RIMS4: variants seen among roughly 807,000 people sequenced by gnomAD.
The protein encoded by RIMS4 is regulating synaptic membrane exocytosis protein 4.
In RIMS4, 9 loss-of-function variants were observed where a neutral mutation model predicts 29.0. The observed-to-expected ratio is 0.31, with a 90% CI of 0.19 to 0.54. The LOEUF is 0.54. Ranked by LOEUF, RIMS4 falls within the 20% of genes least tolerant of loss-of-function variation. The probability of loss-of-function intolerance (pLI) is 0.94; values close to 1 mark genes in which losing one functional copy is unlikely to be tolerated. For missense variants in RIMS4, 193 were observed against 365.7 expected (o/e 0.53, Z 3.85); for synonymous variants, 130 against 152.9 (o/e 0.85, Z 1.10).
chr20:44,758,297 T>G, intron 2 of RIMS4, 113 bp from the exon 3 acceptor site: 1 of 708,052 alleles, frequency 1.4e-6, no homozygotes. Flanking sequence ...CCTCTTGGGA[T>G]GGAGATAAGG....
chr20:44,771,427 C>T lies in RIMS4; in HGVS notation c.98-14G>A, dbSNP rs200027624. 63 of 1,602,980 alleles carry T rather than the reference C, an allele frequency of 3.9e-5. No homozygotes were observed. The highest frequency in any genetic ancestry group is 2.0e-4 in the East Asian group (9 of 44,574). On this transcript the variant is annotated splice_polypyrimidine_tract_variant and intron_variant, in intron 1 of 5. Transcript: ENST00000372851. ...TCCGGCTGTCCCCTTCTGGGCAAAG[C>T]GGCCAAGAGAGATGGGAAGAGAGAC...
At chr20:44,773,367 T>C (rs1164049042) in intron 1 of RIMS4, among the ~76,000 whole-genome samples, 1 of 151,880 alleles carries the variant, frequency 6.6e-6, no homozygotes, top group Non-Finnish European at 1.5e-5. Context: ...GCAGGTACAG[T>C]GACACAGAGA....
At position 44,810,442 on chromosome 20, in the gene RIMS4, G is replaced by T; in HGVS notation, c.-171C>A. On this transcript the variant is annotated 5_prime_UTR_variant, in exon 1 of 6. Transcript: ENST00000372851. ...GGCTGGCGGGCGCGGCGGGGCCGGC[G>T]GGCGGGCCAGGAGCTGGCGGCGCGC... 6.8e-6 allele frequency: 1 copy of T among 146,206 alleles called. No individual in the cohort carries two copies. Among genetic ancestry groups the T allele is most frequent in the South Asian group, 1.9e-4 (1 of 5,366 alleles). 9.1% of individuals were successfully genotyped at this position (146,206 alleles called of 1,614,324 possible).
intron 1 of RIMS4, among the ~76,000 whole-genome samples, chr20:44,772,842 A>G (rs2066142798): frequency 6.6e-6 from 1 of 152,178 alleles, no homozygotes; most frequent in South Asian, 2.1e-4. Context: ...GCCTGCGTAC[A>G]GGAGCAGGGC....
chr20:44,752,460 A>G lies in RIMS4; in HGVS notation c.*3674T>C, dbSNP rs2066037971. ...GCCACCTGCTCCACCTCTGGGTGTA[A>G]AAGAGTGAGCTCTGGGCTGTTGGAG... On this transcript the variant is annotated 3_prime_UTR_variant, in exon 6 of 6. Coordinates refer to ENST00000372851, the MANE Select transcript of RIMS4 (RefSeq NM_182970.4). 2 of 152,210 alleles carry G rather than the reference A, an allele frequency of 1.3e-5. No individual in the cohort carries two copies. 9.4% of individuals were successfully genotyped at this position (152,210 alleles called of 1,614,324 possible). A position where few individuals can be genotyped will look rare whatever the true frequency, so the allele number is the denominator to read the frequency against.
In RIMS4 at chr20:44,810,089, G is replaced by A. The variant is rs2066317209; in HGVS notation, c.97+86C>T. ...GCCTTCCCAGGGGATTGGGGGTGGG[G>A]AGGAGGGCGCACGGGTCGGGGAGGG... On this transcript the variant is annotated intron_variant, in intron 1 of 5. Transcript: ENST00000372851. 3 of 646,562 alleles carry A rather than the reference G, an allele frequency of 4.6e-6. No individual in the cohort carries two copies. In the Admixed American group the frequency reaches 7.6e-5, roughly 16 times the overall value. 40.1% of individuals were successfully genotyped at this position (646,562 alleles called of 1,614,324 possible).
intron 1 of RIMS4, among the ~76,000 whole-genome samples, chr20:44,796,525 T>G (rs1252809687): frequency 6.6e-6 from 1 of 152,082 alleles, no homozygotes; most frequent in African/African-American, 2.4e-5. Flanking sequence ...AATCACACAG[T>G]CCCTGCCCTG....
At chr20:44,801,466 G>C (rs540574686) in intron 1 of RIMS4, among the ~76,000 whole-genome samples, 7 of 152,200 alleles carry the variant, frequency 4.6e-5, no homozygotes, top group African/African-American at 1.7e-4. Context: ...CCTTTACATC[G>C]ATGATTCCTT....
intron 1 of RIMS4, among the ~76,000 whole-genome samples, chr20:44,782,523 T>C (rs1015242515): frequency 2.1e-4 from 32 of 152,226 alleles, no homozygotes; most frequent in African/African-American, 6.0e-4. Context: ...ATGATCTGCC[T>C]GCCTCAGCCT....
At chr20:44,801,389 T>G (rs1472117640) in intron 1 of RIMS4, among the ~76,000 whole-genome samples, 1 of 152,128 alleles carries the variant, frequency 6.6e-6, no homozygotes, top group Admixed American at 6.5e-5. Flanking sequence ...AGCGACCCCT[T>G]TCTTAGAAAC....
chr20:44,764,769 G>A (rs2066106691), intron 2 of RIMS4, among the ~76,000 whole-genome samples: 2 of 152,198 alleles, frequency 1.3e-5, no homozygotes, highest in Admixed American at 6.5e-5. Flanking sequence ...TTTATGTTAT[G>A]CTCAAATTGT....
Position 44,810,302 on chromosome 20 carries a change from G to C in RIMS4, c.-31C>G. 3 of 643,164 alleles carry C rather than the reference G, an allele frequency of 4.7e-6. No individual in the cohort carries two copies. Among genetic ancestry groups the C allele is most frequent in the Non-Finnish European group, 5.9e-6 (3 of 506,538 alleles). 39.8% of individuals were successfully genotyped at this position (643,164 alleles called of 1,614,324 possible). A position where few individuals can be genotyped will look rare whatever the true frequency, so the allele number is the denominator to read the frequency against. Reference sequence around the variant, plus strand: ...CGCCGGCGCCGGGCGCCTCGGCCGCGGCGGCGGCGGCGGCGGCGGGCGGCT... The same window carrying C: ...CGCCGGCGCCGGGCGCCTCGGCCGCCGCGGCGGCGGCGGCGGCGGGCGGCT... On this transcript the variant is annotated 5_prime_UTR_variant, in exon 1 of 6. Transcript: ENST00000372851.
At chr20:44,790,849 G>T (rs1400720073) in intron 1 of RIMS4, among the ~76,000 whole-genome samples, 1 of 152,222 alleles carries the variant, frequency 6.6e-6, no homozygotes, top group African/African-American at 2.4e-5. Flanking sequence ...TAAATGCAGG[G>T]CCAGGCATAG....
At chr20:44,788,864 A>G (rs2066220260) in intron 1 of RIMS4, among the ~76,000 whole-genome samples, 1 of 152,148 alleles carries the variant, frequency 6.6e-6, no homozygotes, top group Non-Finnish European at 1.5e-5. Flanking sequence ...CTTTTTCACA[A>G]TGTACTCCAT....
intron 1 of RIMS4, among the ~76,000 whole-genome samples, chr20:44,794,725 C>T (rs555565848): frequency 6.6e-6 from 1 of 152,346 alleles, no homozygotes; most frequent in African/African-American, 2.4e-5. Flanking sequence ...TGGTGCCACA[C>T]TGCTGACTTT....
At chr20:44,759,550 C>T (rs890765993) in intron 2 of RIMS4, among the ~76,000 whole-genome samples, 21 of 152,202 alleles carry the variant, frequency 1.4e-4, no homozygotes, top group African/African-American at 3.1e-4. Context: ...TGAGCCACCA[C>T]GCCTAGCCCA....
At chr20:44,808,082 G>GTA (rs372542987) in intron 1 of RIMS4, among the ~76,000 whole-genome samples, 1,456 of 138,282 alleles carry the variant, frequency 0.011, 16 homozygotes, top group African/African-American at 0.033. Context: ...ATGTGTGTGT[G>GTA]TATATATATA....
intron 4 of RIMS4, 110 bp from the exon 5 acceptor site, chr20:44,757,147 A>G: frequency 1.6e-6 from 2 of 1,265,332 alleles, no homozygotes; most frequent in Non-Finnish European, 2.2e-6. Context: ...GTGTGCCCCC[A>G]TGGGGTCTGG....
chr20:44,801,053 C>T (rs1225035989), intron 1 of RIMS4, among the ~76,000 whole-genome samples: 1 of 152,222 alleles, frequency 6.6e-6, no homozygotes, highest in Admixed American at 6.5e-5. Context: ...GGAATTCTCA[C>T]AAGGTATCTC....
Sources: gnomAD v4.1 joint callset for allele counts (sites outside exome capture counted in the v4.1 genomes callset) on GRCh38, gnomAD v4.1.1 for gene constraint, MANE v1.5 for transcripts, NCBI Gene and HGNC (gene_info 2026-07-23, HGNC 2026-07-21) for gene names.